The following SGCZ variants were observed in gnomAD, a reference collection of about 807,000 sequenced individuals.
The protein encoded by SGCZ is zeta-sarcoglycan.
A neutral mutation model predicts 41.3 loss-of-function variants in SGCZ; 40 were observed. That is an observed-to-expected ratio of 0.97 (90% CI 0.75 to 1.26). SGCZ has a LOEUF of 1.26. Ranked by LOEUF, SGCZ falls within the 50% of genes most tolerant of loss-of-function variation. The pLI, the probability that SGCZ is intolerant of heterozygous loss-of-function variation, is 0.00. For synonymous variants in SGCZ, 206 were observed against 137.5 expected, an observed-to-expected ratio of 1.50 and a Z score of -3.49; for missense variants, 552 against 369.8, an observed-to-expected ratio of 1.49 and a Z score of -4.04.
At chr8:14,456,350 G>C (rs987400229) in intron 2 of SGCZ, among the ~76,000 whole-genome samples, 3 of 152,192 alleles carry the variant, frequency 2.0e-5, no homozygotes, top group African/African-American at 7.2e-5. Flanking sequence ...AGAGGTTGCA[G>C]AGAGCCAAGA....
chr8:14,227,931 C>G (rs186733042), intron 4 of SGCZ, among the ~76,000 whole-genome samples: 1 of 151,948 alleles, frequency 6.6e-6, no homozygotes, highest in African/African-American at 2.4e-5. Flanking sequence ...ATGGTTTCCC[C>G]CTAGCTTCTC....
intron 1 of SGCZ, among the ~76,000 whole-genome samples, chr8:14,970,038 C>A (rs1160091264): frequency 1.3e-5 from 2 of 152,112 alleles, no homozygotes; most frequent in Non-Finnish European, 2.9e-5. Flanking sequence ...TAATTATAGT[C>A]ATTCTCATAC....
chr8:14,864,185 TCTA>T (rs1159939585), intron 1 of SGCZ, among the ~76,000 whole-genome samples: 1 of 152,190 alleles, frequency 6.6e-6, no homozygotes, highest in Non-Finnish European at 1.5e-5. Flanking sequence ...TTCTACGTAT[TCTA>T]CTGTGCTCGA....
chr8:15,063,700 A>G (rs1805022665), intron 1 of SGCZ, among the ~76,000 whole-genome samples: 1 of 152,226 alleles, frequency 6.6e-6, no homozygotes, highest in Non-Finnish European at 1.5e-5. Flanking sequence ...ACAGAAGACC[A>G]GTGAACCAGA....
chr8:14,606,900 T>C (rs546843106), intron 1 of SGCZ, among the ~76,000 whole-genome samples: 2 of 152,262 alleles, frequency 1.3e-5, no homozygotes, highest in Admixed American at 1.3e-4. Flanking sequence ...GTATTAGAGA[T>C]ATGAGGTAAA....
At chr8:14,648,288 T>A (rs1807290007) in intron 1 of SGCZ, among the ~76,000 whole-genome samples, 1 of 152,116 alleles carries the variant, frequency 6.6e-6, no homozygotes, top group Non-Finnish European at 1.5e-5. Flanking sequence ...ATGGATATAT[T>A]TATCTTTACC....
intron 1 of SGCZ, among the ~76,000 whole-genome samples, chr8:15,190,241 A>T (rs908879631): frequency 6.6e-5 from 10 of 152,330 alleles, no homozygotes; most frequent in Admixed American, 3.9e-4. Context: ...ACCTTTAAGT[A>T]ACCCTGATAT....
At chr8:14,252,887 C>T (rs1799332024) in intron 3 of SGCZ, among the ~76,000 whole-genome samples, 1 of 152,174 alleles carries the variant, frequency 6.6e-6, no homozygotes, top group African/African-American at 2.4e-5. Context: ...ACCATACTGG[C>T]TTTCCATTAT....
intron 2 of SGCZ, among the ~76,000 whole-genome samples, chr8:14,491,543 G>T (rs1469370159): frequency 1.3e-5 from 2 of 152,084 alleles, no homozygotes; most frequent in Non-Finnish European, 2.9e-5. Context: ...GGAGTTACAA[G>T]ATCCTAAAAA....
chr8:14,148,687 T>C (rs569187043), intron 5 of SGCZ, among the ~76,000 whole-genome samples: 45 of 152,294 alleles, frequency 3.0e-4, no homozygotes, highest in African/African-American at 1.1e-3. Context: ...AAACTCATTC[T>C]ATACAATCAG....
intron 5 of SGCZ, among the ~76,000 whole-genome samples, chr8:14,126,643 C>G (rs767060824): frequency 5.3e-5 from 8 of 152,100 alleles, no homozygotes; most frequent in Non-Finnish European, 8.8e-5. Context: ...GGGTATATAT[C>G]CAAAGGAATA....
At chr8:14,981,272 A>G (rs191946482) in intron 1 of SGCZ, among the ~76,000 whole-genome samples, 3 of 152,340 alleles carry the variant, frequency 2.0e-5, no homozygotes, top group African/African-American at 7.2e-5. Context: ...CAGTTACATA[A>G]TAGTTCACAT....
intron 4 of SGCZ, among the ~76,000 whole-genome samples, chr8:14,195,278 T>C (rs1025672556): frequency 6.6e-6 from 1 of 152,064 alleles, no homozygotes; most frequent in Non-Finnish European, 1.5e-5. Context: ...GATGAAAAAC[T>C]ACATTGAGAC....
chr8:15,218,216 C>G (rs1801480869), intron 1 of SGCZ, among the ~76,000 whole-genome samples: 1 of 151,840 alleles, frequency 6.6e-6, no homozygotes, highest in South Asian at 2.1e-4. Context: ...TTAAATATCT[C>G]AAAGAATCAA....
chr8:15,035,143 T>C (rs1803828302), intron 1 of SGCZ, among the ~76,000 whole-genome samples: 1 of 152,100 alleles, frequency 6.6e-6, no homozygotes, highest in African/African-American at 2.4e-5. Context: ...ATAATAGCTA[T>C]AATAACTTGC....
At chr8:15,014,246 G>C (rs1802940182) in intron 1 of SGCZ, among the ~76,000 whole-genome samples, 1 of 152,138 alleles carries the variant, frequency 6.6e-6, no homozygotes, top group African/African-American at 2.4e-5. Context: ...AAATGGCTCA[G>C]CCATTCTGTA....
At chr8:14,303,755 C>T (rs1288015439) in intron 3 of SGCZ, among the ~76,000 whole-genome samples, 1 of 151,946 alleles carries the variant, frequency 6.6e-6, no homozygotes, top group African/African-American at 2.4e-5. Context: ...TATCAAATAT[C>T]TATCTACATA....
At chr8:15,146,325 G>A (rs1160946013) in intron 1 of SGCZ, among the ~76,000 whole-genome samples, 1 of 152,112 alleles carries the variant, frequency 6.6e-6, no homozygotes, top group East Asian at 1.9e-4. Context: ...ACGAATATAA[G>A]AGAGCTAAAT....
intron 1 of SGCZ, among the ~76,000 whole-genome samples, chr8:14,583,226 T>C (rs1804951991): frequency 6.6e-6 from 1 of 150,970 alleles, no homozygotes; most frequent in Non-Finnish European, 1.5e-5. Context: ...TGGTATCTCA[T>C]TGTGGTTTTG....
Sources: allele counts gnomAD v4.1 joint callset (sites outside exome capture counted in the v4.1 genomes callset), GRCh38; gene constraint gnomAD v4.1.1; transcripts MANE v1.5; gene names NCBI Gene and HGNC (gene_info 2026-07-23, HGNC 2026-07-21).